The following GUCY1A2 variants were observed in gnomAD, a reference collection of about 807,000 sequenced individuals.
GUCY1A2 encodes guanylate cyclase 1 soluble subunit alpha 2.
A neutral mutation model predicts 63.5 loss-of-function variants in GUCY1A2; 27 were observed. That is an observed-to-expected ratio of 0.43 (90% CI 0.31 to 0.59). GUCY1A2 has a LOEUF of 0.59. Among genes scored for constraint, GUCY1A2 ranks in the 20% least tolerant of loss-of-function variants. The pLI is 0.11. For missense variants in GUCY1A2, 768 were observed against 913.3 expected (o/e 0.84, Z 2.05); for synonymous variants, 364 against 343.5 (o/e 1.06, Z -0.66).
chr11:106,747,272 GC>G (rs1183975855), intron 6 of GUCY1A2, among the ~76,000 whole-genome samples: 13 of 151,106 alleles, frequency 8.6e-5, no homozygotes, highest in African/African-American at 3.1e-4. Flanking sequence ...ACAGGCGTAA[GC>G]CACCGCGCCC....
At chr11:106,900,706 CA>C (rs1860120278) in intron 4 of GUCY1A2, among the ~76,000 whole-genome samples, 1 of 150,066 alleles carries the variant, frequency 6.7e-6, no homozygotes, top group African/African-American at 2.5e-5. Flanking sequence ...TAAAGGGAGT[CA>C]CATGAATTTT....
At chr11:106,694,563 GT>G (rs1279272593) in intron 7 of GUCY1A2, among the ~76,000 whole-genome samples, 1 of 152,200 alleles carries the variant, frequency 6.6e-6, no homozygotes, top group Non-Finnish European at 1.5e-5. Flanking sequence ...TGATATTGGA[GT>G]TTTGCAGAAG....
At chr11:106,798,934 G>T (rs1864817939) in intron 5 of GUCY1A2, among the ~76,000 whole-genome samples, 1 of 152,180 alleles carries the variant, frequency 6.6e-6, no homozygotes, top group Non-Finnish European at 1.5e-5. Flanking sequence ...GCAGGAGAGA[G>T]AAATAAAGGG....
intron 1 of GUCY1A2, among the ~76,000 whole-genome samples, chr11:106,997,307 C>T (rs559042553): frequency 3.3e-5 from 5 of 152,186 alleles, no homozygotes; most frequent in African/African-American, 9.6e-5. Flanking sequence ...TTCTTCTTCC[C>T]GCACTCTATA....
At chr11:106,834,392 C>A (rs938616181) in intron 4 of GUCY1A2, among the ~76,000 whole-genome samples, 1 of 151,920 alleles carries the variant, frequency 6.6e-6, no homozygotes, top group Non-Finnish European at 1.5e-5. Flanking sequence ...CAATATTTTA[C>A]GTTGCATCCA....
chr11:106,970,912 GC>G (rs1861185163), intron 3 of GUCY1A2, among the ~76,000 whole-genome samples: 1 of 152,040 alleles, frequency 6.6e-6, no homozygotes, highest in Admixed American at 6.6e-5. Flanking sequence ...TGAGCTCTCT[GC>G]CAAAGACATG....
intron 1 of GUCY1A2, among the ~76,000 whole-genome samples, chr11:107,006,425 G>A (rs1488477313): frequency 2.6e-5 from 4 of 152,202 alleles, no homozygotes; most frequent in African/African-American, 9.6e-5. Context: ...CATCTATTGA[G>A]TTGCAGGATC....
At chr11:106,725,149 A>ATTTT (rs1863383236) in intron 6 of GUCY1A2, among the ~76,000 whole-genome samples, 2 of 59,838 alleles carry the variant, frequency 3.3e-5, no homozygotes, top group South Asian at 6.5e-4. Flanking sequence ...ATTGACATAA[A>ATTTT]TTCTTTTTTT....
At chr11:106,806,088 C>A (rs1401116290) in intron 5 of GUCY1A2, among the ~76,000 whole-genome samples, 1 of 152,056 alleles carries the variant, frequency 6.6e-6, no homozygotes, top group Admixed American at 6.5e-5. Flanking sequence ...TATACACACA[C>A]ACACATACAC....
intron 7 of GUCY1A2, among the ~76,000 whole-genome samples, chr11:106,703,106 G>A (rs1051151733): frequency 1.3e-5 from 2 of 152,138 alleles, no homozygotes; most frequent in Non-Finnish European, 2.9e-5. Flanking sequence ...TCTGGCCTAC[G>A]TATTTCTCTC....
rs183282329 is a variant in GUCY1A2 at position 106,801,657 on chromosome 11, T to G, written c.1692+8336A>C. On this transcript the variant is annotated intron_variant, in intron 5 of 7. Coordinates refer to ENST00000526355, the MANE Select transcript of GUCY1A2 (RefSeq NM_000855.3). ...CATCTTCAAAAGGGACACTTATTAT[T>G]TGATAGCACAACAGAGCCATCATAC... Among the ~76,000 whole-genome samples, 33 of 152,248 alleles carry G rather than the reference T, an allele frequency of 2.2e-4. No homozygotes were observed. In the East Asian group the frequency reaches 4.6e-3, roughly 21 times the overall value.
At chr11:106,941,857 A>C (rs1860756072) in intron 3 of GUCY1A2, among the ~76,000 whole-genome samples, 1 of 152,216 alleles carries the variant, frequency 6.6e-6, no homozygotes, top group Admixed American at 6.5e-5. Context: ...CCTAAGTGAG[A>C]AACAGTCCCT....
At chr11:106,761,057 T>G (rs1864057847) in intron 6 of GUCY1A2, among the ~76,000 whole-genome samples, 1 of 152,198 alleles carries the variant, frequency 6.6e-6, no homozygotes, top group Non-Finnish European at 1.5e-5. Flanking sequence ...CAAATTATAC[T>G]TCTTCTATCA....
rs1477925556 is a variant in GUCY1A2 at position 106,716,790 on chromosome 11, AAAAAGAT to A, written c.1837-8131_1837-8125del. 2.6e-4 allele frequency among the ~76,000 whole-genome samples: 39 copies of A among 148,130 alleles called. 2 individuals are homozygous for A. Among genetic ancestry groups the A allele is most frequent in the African/African-American group, 6.9e-4 (27 of 39,400 alleles). ...TCTCAAAAAAAAAAAAAAAAAAAAA[AAAAAGAT>A]AAGAGTAAATCTCAGGAATTATAAG... On this transcript the variant is annotated intron_variant, in intron 6 of 7. Transcript: ENST00000526355.
chr11:106,925,866 G>A (rs970204903), intron 4 of GUCY1A2, among the ~76,000 whole-genome samples: 1 of 152,092 alleles, frequency 6.6e-6, no homozygotes, highest in Non-Finnish European at 1.5e-5. Context: ...AGACAAAATT[G>A]GGGAATGAAA....
At chr11:106,950,615 T>A (rs1860893314) in intron 3 of GUCY1A2, among the ~76,000 whole-genome samples, 1 of 152,146 alleles carries the variant, frequency 6.6e-6, no homozygotes. Flanking sequence ...TACTGTGACG[T>A]ACATAGATTC....
chr11:106,971,219 A>ATGTGTGTGTGTG (rs67190015), intron 3 of GUCY1A2, among the ~76,000 whole-genome samples: 32 of 149,272 alleles, frequency 2.1e-4, no homozygotes, highest in African/African-American at 7.4e-4. Flanking sequence ...ACAAATTTAA[A>ATGTGTGTGTGTG]TGTGTGTGTG....
intron 4 of GUCY1A2, among the ~76,000 whole-genome samples, chr11:106,834,875 C>G (rs745844523): frequency 6.6e-6 from 1 of 151,934 alleles, no homozygotes; most frequent in African/African-American, 2.4e-5. Context: ...TTGGATTATA[C>G]CTGAAACCCT....
intron 4 of GUCY1A2, among the ~76,000 whole-genome samples, chr11:106,874,485 T>C (rs1028665369): frequency 1.1e-4 from 17 of 152,180 alleles, no homozygotes; most frequent in African/African-American, 4.1e-4. Context: ...AGCAGAGTTG[T>C]TCTGAATTGC....
Sources: allele counts gnomAD v4.1 joint callset (sites outside exome capture counted in the v4.1 genomes callset), GRCh38; gene constraint gnomAD v4.1.1; transcripts MANE v1.5; gene names NCBI Gene and HGNC (gene_info 2026-07-23, HGNC 2026-07-21).